The following SHKBP1 variants were observed in gnomAD, a reference collection of about 807,000 sequenced individuals.
The protein encoded by SHKBP1 is SH3KBP1 binding protein 1.
In SHKBP1, 71 loss-of-function variants were observed where a neutral mutation model predicts 83.9. The ratio of observed to expected loss-of-function variants is 0.85; its 90% CI spans 0.70 to 1.03. The LOEUF is 1.03. Ranked by LOEUF, SHKBP1 falls within the 50% of genes least tolerant of loss-of-function variation. The pLI is 0.00. For synonymous variants in SHKBP1, 371 were observed against 398.0 expected (o/e 0.93, Z 0.81); for missense variants, 824 against 982.4 (o/e 0.84, Z 2.16).
At chr19:40,588,361 G>A (rs951602388) in intron 13 of SHKBP1, among the ~76,000 whole-genome samples, 8 of 152,212 alleles carry the variant, frequency 5.3e-5, no homozygotes, top group East Asian at 3.8e-4. Context: ...GTGCTGATAC[G>A]GTCCAGGCAG....
At chr19:40,579,546 C>G (rs1372912363) in intron 6 of SHKBP1, among the ~76,000 whole-genome samples, 5 of 152,034 alleles carry the variant, frequency 3.3e-5, no homozygotes, top group Non-Finnish European at 7.4e-5. Context: ...CACCTGTGGT[C>G]CCAGCTACTT....
At chr19:40,577,962 C>T in intron 4 of SHKBP1, 192 bp from the exon 5 acceptor site, 1 of 654,238 alleles carries the variant, frequency 1.5e-6, no homozygotes. Context: ...CACACACACA[C>T]ACACACACAC....
rs780070234 is a variant in SHKBP1 at position 40,591,138 on chromosome 19, G to A, written c.2055G>A (p.Pro685=). The part of the protein sequence containing the change: ...PDLRRPPTPA[P]WPSSGLGTPL... ...TCCGACGGCCACCCACACCAGCCCC[G>A]TGGCCCTCCAGCGGTCTCGGCACTC... Residue 685 remains proline, a synonymous_variant, in exon 18 of 18, where the codon CCG becomes CCA. Coordinates refer to ENST00000291842, the MANE Select transcript of SHKBP1 (RefSeq NM_138392.4). 99 of 1,606,746 alleles carry A rather than the reference G, an allele frequency of 6.2e-5. No individual in the cohort carries two copies. Among genetic ancestry groups the A allele is most frequent in the Admixed American group, 3.2e-4 (19 of 59,810 alleles).
At position 40,590,916 on chromosome 19, in the gene SHKBP1, G is replaced by A. The variant is rs1054903192; in HGVS notation, c.1893-60G>A. ...GGAGAGGGGACAGCATGGTGTTCCC[G>A]GGGACAGAGTGGCCCAGCTGCCCCG... On this transcript the variant is annotated intron_variant, in intron 17 of 17. Transcript: ENST00000291842. The surrounding 1 kb of genome is among the most constrained non-coding windows in gnomAD (Gnocchi z 4.6). 56 of 1,570,422 alleles carry A rather than the reference G, an allele frequency of 3.6e-5. No homozygotes were observed. Among genetic ancestry groups the A allele is most frequent in the East Asian group, 1.8e-4 (8 of 43,928 alleles).
At chr19:40,581,925 C>CTTTT (rs58051153) in intron 9 of SHKBP1, among the ~76,000 whole-genome samples, 2 of 145,444 alleles carry the variant, frequency 1.4e-5, no homozygotes, top group Admixed American at 6.9e-5. Context: ...GGAATCTTCA[C>CTTTT]TTTTTTTTTT....
intron 12 of SHKBP1, among the ~76,000 whole-genome samples, chr19:40,584,464 C>T (rs780833688): frequency 3.3e-5 from 5 of 152,248 alleles, no homozygotes; most frequent in East Asian, 3.9e-4. Context: ...CCCATTTGAA[C>T]GTGCACAATT....
chr19:40,585,535 C>CTTTTTTTTTTTTTTTTTTTTTTTTCTTTT (rs34903711), intron 12 of SHKBP1: 1 of 132,914 alleles, frequency 7.5e-6, no homozygotes, highest in Non-Finnish European at 1.6e-5. Flanking sequence ...TTCTTTCTTT[C>CTTTTTTTTTTTTTTTTTTTTTTTTCTTTT]TTTTTTTTTT....
Position 40,588,730 on chromosome 19 carries a change from T to C in SHKBP1, c.1443T>C (p.Ala481=), listed in dbSNP as rs375636629. 10 of 1,613,994 alleles carry C rather than the reference T, an allele frequency of 6.2e-6. No homozygotes were observed. The highest frequency in any genetic ancestry group is 8.5e-6 in the Non-Finnish European group (10 of 1,180,048). The part of the protein sequence containing the change: ...STPLASFKIL[A]LESADGHGGC... ...CACTCGCTTCCTTTAAGATCCTGGC[T>C]CTGGAGTCGGCAGATGGGCATGGCG... Residue 481 remains alanine, a synonymous_variant, in exon 14 of 18, where the codon GCT becomes GCC. Coordinates refer to ENST00000291842, the MANE Select transcript of SHKBP1 (RefSeq NM_138392.4).
intron 5 of SHKBP1, 36 bp downstream of exon 5, chr19:40,578,248 T>G: frequency 6.3e-7 from 1 of 1,599,520 alleles, no homozygotes; most frequent in East Asian, 2.2e-5. Flanking sequence ...CCTCATTGTA[T>G]AGAAAACCAA....
intron 12 of SHKBP1, among the ~76,000 whole-genome samples, chr19:40,585,246 C>G (rs1278733940): frequency 6.6e-6 from 1 of 152,112 alleles, no homozygotes; most frequent in Non-Finnish European, 1.5e-5. Context: ...AGCAGAACCA[C>G]AGGCATGCAT....
In SHKBP1 at chr19:40,583,862, A is replaced by T. The variant is rs900654033; in HGVS notation, c.1165+145A>T. On this transcript the variant is annotated intron_variant, in intron 12 of 17. Transcript: ENST00000291842. ...ACTCTCTCTCATTTTTTTTTCTGAG[A>T]CAGACTCTCATTCTGTTGCCCAGGC... 23 of 668,144 alleles carry T rather than the reference A, an allele frequency of 3.4e-5. 1 individual carries two copies. Among genetic ancestry groups the T allele is most frequent in the Middle Eastern group, 3.1e-4 (1 of 3,236 alleles). The allele number at this position is 668,144 out of a possible 1,614,324, so 41.4% of individuals were successfully genotyped here.
At chr19:40,583,806 C>A in intron 12 of SHKBP1, 89 bp downstream of exon 12, 1 of 981,326 alleles carries the variant, frequency 1.0e-6, no homozygotes, top group Non-Finnish European at 1.6e-6. Context: ...TAGCATGACC[C>A]AGAGGGGTTT....
chr19:40,587,669 G>A (rs2145993582), intron 13 of SHKBP1, among the ~76,000 whole-genome samples: 1 of 152,320 alleles, frequency 6.6e-6, no homozygotes, highest in East Asian at 1.9e-4. Context: ...GGGAGGCCAA[G>A]GTGGGAGGAT....
At chr19:40,583,579 C>T (rs2081287857) in intron 11 of SHKBP1, 22 bp from the exon 12 acceptor site, 4 of 1,611,500 alleles carry the variant, frequency 2.5e-6, no homozygotes, top group Admixed American at 3.3e-5. Flanking sequence ...CAAACCCGCT[C>T]CACCCTCCCT....
chr19:40,589,475 G>C (rs2081339115), intron 15 of SHKBP1, among the ~76,000 whole-genome samples: 1 of 124,500 alleles, frequency 8.0e-6, no homozygotes, highest in Non-Finnish European at 1.7e-5. Context: ...CCAGGCGGAG[G>C]GGGAGGGGTG....
chr19:40,585,885 C>G (rs995997071), intron 12 of SHKBP1: 7 of 152,180 alleles, frequency 4.6e-5, no homozygotes, highest in African/African-American at 1.7e-4. Context: ...CATCTCCCTT[C>G]CCGCCACATG....
chr19:40,583,177 T>C (rs1046127510), intron 10 of SHKBP1, among the ~76,000 whole-genome samples: 1 of 151,816 alleles, frequency 6.6e-6, no homozygotes, highest in Non-Finnish European at 1.5e-5. Flanking sequence ...CTTTAAAAAG[T>C]ACAGAGTCCA....
Position 40,583,382 on chromosome 19 carries a change from C to T in SHKBP1, c.961-16C>T. 1.9e-6 allele frequency: 3 copies of T among 1,559,142 alleles called. No homozygotes were observed. The highest frequency in any genetic ancestry group is 2.6e-6 in the Non-Finnish European group (3 of 1,150,664). ...GGAAGGGCTCCCGGCTGCAGCCTGT[C>T]CTGCCCCACCCCCAGGTCCAGGAGG... On this transcript the variant is annotated splice_polypyrimidine_tract_variant and intron_variant, in intron 10 of 17. Coordinates refer to ENST00000291842, the MANE Select transcript of SHKBP1 (RefSeq NM_138392.4).
chr19:40,589,795 G>A (rs535876848), intron 15 of SHKBP1, among the ~76,000 whole-genome samples: 1 of 152,200 alleles, frequency 6.6e-6, no homozygotes, highest in East Asian at 1.9e-4. Flanking sequence ...AGGACACGTG[G>A]GCTCCTGGGC....
Sources: allele counts gnomAD v4.1 joint callset (sites outside exome capture counted in the v4.1 genomes callset), GRCh38; gene constraint gnomAD v4.1.1; non-coding constraint Gnocchi (gnomAD v3.1); transcripts MANE v1.5; gene names NCBI Gene and HGNC (gene_info 2026-07-23, HGNC 2026-07-21).